Variants in COLEC10 observed in about 807,000 individuals in gnomAD.
COLEC10 encodes collectin subfamily member 10.
Under a neutral mutation model 28.4 loss-of-function variants are expected in COLEC10, and 22 were observed. The ratio of observed to expected loss-of-function variants is 0.78; its 90% CI spans 0.55 to 1.11. The LOEUF (loss-of-function observed/expected upper bound fraction) is 1.11, where lower values mean the gene tolerates loss of function less well. Among genes scored for constraint, COLEC10 ranks in the 50% least tolerant of loss-of-function variants. The pLI is 0.00. For missense variants in COLEC10, 361 were observed against 344.1 expected (o/e 1.05, Z -0.39); for synonymous variants, 125 against 116.1 (o/e 1.08, Z -0.49).
At chr8:119,064,741 C>G (rs1162494945), upstream of COLEC10, among the ~76,000 whole-genome samples, 1 of 151,692 alleles carries the variant, frequency 6.6e-6, no homozygotes. Flanking sequence ...GAATGTTCAT[C>G]TTTATGGAAA....
chr8:119,016,825 T>C (rs1676350791), intron 2 of COLEC10, among the ~76,000 whole-genome samples: 2 of 152,194 alleles, frequency 1.3e-5, no homozygotes, highest in Non-Finnish European at 2.9e-5. Flanking sequence ...GAAGCAATTC[T>C]CCTGCCTCAG....
At chr8:119,021,719 A>G (rs533582236) in intron 2 of COLEC10, among the ~76,000 whole-genome samples, 3 of 152,164 alleles carry the variant, frequency 2.0e-5, no homozygotes, top group Non-Finnish European at 4.4e-5. Flanking sequence ...ATCAACTCCA[A>G]CAAGAAGAAA....
rs1563746988 is a variant in COLEC10, at chr8:119,107,887, C to T, written c.*1696C>T. ...GTTGGCAACTAATTAATTTTTAACC[C>T]AAATTTTAAGTGGGTTAAAAATTAA... On this transcript the variant is annotated 3_prime_UTR_variant, in exon 6 of 6. Coordinates refer to ENST00000332843, the MANE Select transcript of COLEC10 (RefSeq NM_006438.5). Among the ~76,000 whole-genome samples, 1 of 151,990 alleles carries T rather than the reference C, an allele frequency of 6.6e-6. No individual in the cohort carries two copies. The highest frequency in any genetic ancestry group is 1.5e-5 in the Non-Finnish European group (1 of 67,976).
upstream of COLEC10, among the ~76,000 whole-genome samples, chr8:118,991,302 C>T (rs984109577): frequency 1.3e-5 from 2 of 152,254 alleles, no homozygotes; most frequent in East Asian, 3.9e-4. Flanking sequence ...GTCCTAACTA[C>T]CTCAATAATA....
At chr8:119,002,045 T>C (rs1375623456) in intron 1 of COLEC10, among the ~76,000 whole-genome samples, 4 of 152,196 alleles carry the variant, frequency 2.6e-5, no homozygotes, top group African/African-American at 9.6e-5. Flanking sequence ...TATCATGAAA[T>C]TGGGCTTATA....
rs1168701541 is a variant in COLEC10 at position 119,106,092 on chromosome 8, T to C, written c.735T>C (p.His245=). 1 of 1,613,890 alleles carries C rather than the reference T, an allele frequency of 6.2e-7. No homozygotes were observed. The highest frequency in any genetic ancestry group is 1.7e-5 in the Admixed American group (1 of 59,962). The change falls in exon 6 of 6, where the codon CAT becomes CAC. Residue 245 remains histidine, a synonymous_variant. Coordinates refer to ENST00000332843, the MANE Select transcript of COLEC10 (RefSeq NM_006438.5). The part of the protein sequence containing the change: ...NEGEPSDPYG[H]EDCVEMLSSG... ...GGGAACCCAGCGACCCCTATGGTCATGAGGACTGTGTGGAGATGCTGAGCT... is the reference window on the plus strand; with the variant it reads ...GGGAACCCAGCGACCCCTATGGTCACGAGGACTGTGTGGAGATGCTGAGCT...
the COLEC10 span, among the ~76,000 whole-genome samples, chr8:118,978,576 G>A: frequency 9.7e-4 from 146 of 151,076 alleles, no homozygotes; most frequent in Non-Finnish European, 1.8e-3. Flanking sequence ...TCTCTATGCA[G>A]TTTTAAAAAT....
chr8:118,968,207 C>T, the COLEC10 span, among the ~76,000 whole-genome samples: 1 of 151,156 alleles, frequency 6.6e-6, no homozygotes, highest in Non-Finnish European at 1.5e-5. Flanking sequence ...TAGTCTGGGC[C>T]TGATTCAGAT....
chr8:119,086,442 AAAGT>A (rs57983337), intron 1 of COLEC10, among the ~76,000 whole-genome samples: 9,607 of 152,138 alleles, frequency 0.063, 970 homozygotes, highest in African/African-American at 0.22. Flanking sequence ...AGTTCTCATT[AAAGT>A]AAGTACCAAA....
At chr8:118,952,369 G>T in the COLEC10 span, among the ~76,000 whole-genome samples, 1 of 152,166 alleles carries the variant, frequency 6.6e-6, no homozygotes, top group South Asian at 2.1e-4. Flanking sequence ...CCTCTCGCTG[G>T]GCGAAAGCTG....
chr8:118,995,853 C>T lies in COLEC10; in HGVS notation n.122+280C>T, dbSNP rs189255508. Among the ~76,000 whole-genome samples, 11 of 136,150 alleles carry T rather than the reference C, an allele frequency of 8.1e-5. No individual in the cohort carries two copies. In the East Asian group the frequency reaches 2.5e-3, roughly 30 times the overall value. 89.3% of individuals were successfully genotyped at this position (136,150 alleles called of 152,430 possible). ...AATGATCAAACTTGGATATAGGTAG[C>T]TCTCTTTCTTTTCTTTCTGTTTTTT... On this transcript the variant is annotated intron_variant and non_coding_transcript_variant, in intron 1 of 6. Coordinates refer to the COLEC10 transcript ENST00000521788.
At chr8:119,083,008 C>A (rs1815397686) in intron 1 of COLEC10, among the ~76,000 whole-genome samples, 1 of 152,136 alleles carries the variant, frequency 6.6e-6, no homozygotes, top group African/African-American at 2.4e-5. Flanking sequence ...TGGGAAGGAA[C>A]CTCTCATAAT....
At chr8:119,068,360 A>G (rs889199042) in intron 1 of COLEC10, 7 of 152,228 alleles carry the variant, frequency 4.6e-5, no homozygotes, top group African/African-American at 1.7e-4. Flanking sequence ...TTGCAATCCA[A>G]GTTTTAACCT....
At chr8:119,016,617 G>A (rs554945239) in intron 2 of COLEC10, among the ~76,000 whole-genome samples, 25 of 151,970 alleles carry the variant, frequency 1.6e-4, no homozygotes, top group Non-Finnish European at 2.6e-4. Context: ...TTCCACAATC[G>A]TTGAACTAAT....
the COLEC10 span, among the ~76,000 whole-genome samples, chr8:118,968,795 C>T: frequency 2.6e-5 from 4 of 151,958 alleles, no homozygotes; most frequent in African/African-American, 9.6e-5. Flanking sequence ...CAACAGGCCC[C>T]AGTGTGTCAT....
the COLEC10 span, among the ~76,000 whole-genome samples, chr8:118,959,066 C>T: frequency 1.3e-5 from 2 of 152,124 alleles, no homozygotes; most frequent in African/African-American, 4.8e-5. Flanking sequence ...CTGGTACTTA[C>T]CACAGTTTAC....
upstream of COLEC10, among the ~76,000 whole-genome samples, chr8:119,062,267 G>GA (rs1451728220): frequency 6.6e-6 from 1 of 151,034 alleles, no homozygotes; most frequent in African/African-American, 2.4e-5. Flanking sequence ...TATCTAAACT[G>GA]AAAAAAAATA....
chr8:119,008,848 T>G (rs1165906887), intron 1 of COLEC10, among the ~76,000 whole-genome samples: 1 of 151,126 alleles, frequency 6.6e-6, no homozygotes, highest in Non-Finnish European at 1.5e-5. Context: ...TCTTGAATTG[T>G]TGTTACAATT....
intron 2 of COLEC10, among the ~76,000 whole-genome samples, chr8:119,025,551 C>A (rs117454288): frequency 1.3e-5 from 2 of 151,954 alleles, no homozygotes; most frequent in Admixed American, 6.6e-5. Flanking sequence ...TTAAGAAAAA[C>A]CTTGGTCTTC....
Sources: allele counts gnomAD v4.1 joint callset (sites outside exome capture counted in the v4.1 genomes callset), GRCh38; gene constraint gnomAD v4.1.1; transcripts MANE v1.5; gene names NCBI Gene and HGNC (gene_info 2026-07-23, HGNC 2026-07-21).